Variants in CAMKMT observed in about 807,000 individuals in gnomAD.
CAMKMT encodes CaM KMT.
A neutral mutation model predicts 48.0 loss-of-function variants in CAMKMT; 53 were observed. The observed-to-expected ratio is 1.10, with a 90% confidence interval of 0.89 to 1.39. The LOEUF (loss-of-function observed/expected upper bound fraction) is 1.39. Among genes scored for constraint, CAMKMT ranks in the 40% most tolerant of loss-of-function variants. The pLI, the probability that CAMKMT is intolerant of heterozygous loss-of-function variation, is 0.00. For synonymous variants in CAMKMT, 165 were observed against 152.3 expected (o/e 1.08, Z -0.61); for missense variants, 428 against 402.7 (o/e 1.06, Z -0.54).
At chr2:44,604,858 G>A (rs1350900864) in intron 3 of CAMKMT, among the ~76,000 whole-genome samples, 2 of 151,990 alleles carry the variant, frequency 1.3e-5, no homozygotes, top group South Asian at 2.1e-4. Flanking sequence ...TTCCCACTAT[G>A]GTCTCAGAGT....
intron 3 of CAMKMT, among the ~76,000 whole-genome samples, chr2:44,559,858 A>G (rs1350076520): frequency 6.6e-6 from 1 of 152,178 alleles, no homozygotes; most frequent in Non-Finnish European, 1.5e-5. Context: ...ATGGGACCTA[A>G]TTTTTTGTTT....
At chr2:44,484,478 G>T (rs960986885) in intron 3 of CAMKMT, among the ~76,000 whole-genome samples, 10 of 151,712 alleles carry the variant, frequency 6.6e-5, no homozygotes, top group Admixed American at 1.3e-4. Flanking sequence ...CAATGAAGAT[G>T]GATGGTATTT....
chr2:44,456,263 C>T (rs548445369), intron 3 of CAMKMT, among the ~76,000 whole-genome samples: 11 of 152,164 alleles, frequency 7.2e-5, no homozygotes, highest in Non-Finnish European at 1.6e-4. Context: ...TGAATTACAA[C>T]AAAAGAGTTA....
intron 3 of CAMKMT, among the ~76,000 whole-genome samples, chr2:44,527,157 A>G (rs1387161646): frequency 1.4e-5 from 2 of 144,220 alleles, no homozygotes; most frequent in Non-Finnish European, 1.5e-5. Flanking sequence ...CAGTGGTATG[A>G]TCACAGCTGA....
At chr2:44,723,672 A>G (rs1055251600) in intron 7 of CAMKMT, 2 of 151,912 alleles carry the variant, frequency 1.3e-5, no homozygotes, top group Non-Finnish European at 2.9e-5. Context: ...AAAGTTGTTC[A>G]GATTTCCATT....
chr2:44,768,361 A>ATATATATATATATATATATTTT (rs35058824), intron 10 of CAMKMT, among the ~76,000 whole-genome samples: 4 of 115,742 alleles, frequency 3.5e-5, no homozygotes, highest in African/African-American at 1.5e-4. Context: ...ATATATATAT[A>ATATATATATATATATATATTTT]TTTTTTTTTT....
chr2:44,441,225 C>T (rs1469457277), intron 3 of CAMKMT, among the ~76,000 whole-genome samples: 3 of 152,016 alleles, frequency 2.0e-5, no homozygotes, highest in Non-Finnish European at 4.4e-5. Context: ...CGTGCCTTTT[C>T]ATTTGACTTG....
chr2:44,690,255 A>G (rs1676569679), intron 3 of CAMKMT, among the ~76,000 whole-genome samples: 1 of 152,254 alleles, frequency 6.6e-6, no homozygotes, highest in African/African-American at 2.4e-5. Flanking sequence ...GTGTACACAT[A>G]TAATGATCTC....
At chr2:44,537,701 C>A (rs1666853001) in intron 3 of CAMKMT, among the ~76,000 whole-genome samples, 1 of 152,140 alleles carries the variant, frequency 6.6e-6, no homozygotes, top group African/African-American at 2.4e-5. Flanking sequence ...GTAGCTGGTA[C>A]TACGGGCATG....
intron 7 of CAMKMT, among the ~76,000 whole-genome samples, chr2:44,735,099 G>A (rs1279962281): frequency 1.3e-5 from 2 of 152,200 alleles, no homozygotes; most frequent in Non-Finnish European, 2.9e-5. Context: ...ATTGTAAAGT[G>A]ATCTTCCTTA....
At position 44,390,429 on chromosome 2, in the gene CAMKMT, T is replaced by G. The variant is rs140536179; in HGVS notation, c.376+124T>G. On this transcript the variant is annotated intron_variant, in intron 3 of 10. Transcript: ENST00000378494. Reference sequence around the variant, plus strand: ...AATGTATGCATATATGTATATATAATAGAAAGTTTGACTGTCTTTAGCTGC... The same window carrying G: ...AATGTATGCATATATGTATATATAAGAGAAAGTTTGACTGTCTTTAGCTGC... The G allele has an allele frequency of 1.9e-3, 1,242 of 644,488 alleles. 1 individual carries two copies. Among genetic ancestry groups the G allele is most frequent in the Middle Eastern group, 4.8e-3 (11 of 2,308 alleles). 39.9% of individuals were successfully genotyped at this position (644,488 alleles called of 1,614,324 possible).
Position 44,714,292 on chromosome 2 carries a change from A to T in CAMKMT, c.557-995A>T, listed in dbSNP as rs528562804. 5.9e-5 allele frequency among the ~76,000 whole-genome samples: 9 copies of T among 152,336 alleles called. No homozygotes were observed. The South Asian group carries it at 1.9e-3, about 32-fold the overall frequency. ...GTGGAAGCAACATCCCTTGATCTGC[A>T]GACCAGCCTTTCCTGGTGCTGAAAC... is the stretch of plus-strand genomic sequence containing the variant. On this transcript the variant is annotated intron_variant, in intron 6 of 10. Coordinates refer to ENST00000378494, the MANE Select transcript of CAMKMT (RefSeq NM_024766.5).
At chr2:44,403,957 A>G (rs1328137487) in intron 3 of CAMKMT, among the ~76,000 whole-genome samples, 3 of 152,182 alleles carry the variant, frequency 2.0e-5, no homozygotes, top group Admixed American at 2.0e-4. Context: ...TCACCTATAA[A>G]GCTTTTCCTG....
intron 10 of CAMKMT, among the ~76,000 whole-genome samples, chr2:44,770,167 TC>T (rs1681043343): frequency 1.3e-5 from 2 of 152,202 alleles, no homozygotes; most frequent in South Asian, 2.1e-4. Context: ...CTCATAACAT[TC>T]CCCCATCGAA....
At chr2:44,459,181 A>C (rs902914968) in intron 3 of CAMKMT, among the ~76,000 whole-genome samples, 1 of 152,168 alleles carries the variant, frequency 6.6e-6, no homozygotes, top group African/African-American at 2.4e-5. Flanking sequence ...GTAAATTCAT[A>C]GAACATAGTT....
intron 7 of CAMKMT, among the ~76,000 whole-genome samples, chr2:44,742,471 C>G (rs981470126): frequency 2.6e-5 from 4 of 152,124 alleles, no homozygotes; most frequent in African/African-American, 9.7e-5. Context: ...GTTTCTGTGT[C>G]CATATGGCCC....
At chr2:44,688,102 T>TAATC (rs1328987073) in intron 3 of CAMKMT, among the ~76,000 whole-genome samples, 2 of 152,196 alleles carry the variant, frequency 1.3e-5, no homozygotes, top group Non-Finnish European at 1.5e-5. Context: ...ATGAAGGCTA[T>TAATC]AATCACAAAA....
chr2:44,609,662 G>C (rs759301891), intron 3 of CAMKMT, among the ~76,000 whole-genome samples: 1 of 152,146 alleles, frequency 6.6e-6, no homozygotes, highest in African/African-American at 2.4e-5. Flanking sequence ...TATAGGATTT[G>C]ATTTCTGAAA....
intron 6 of CAMKMT, among the ~76,000 whole-genome samples, chr2:44,708,211 ATTTTT>A (rs59281575): frequency 5.4e-4 from 37 of 68,200 alleles, no homozygotes; most frequent in African/African-American, 1.8e-3. Flanking sequence ...TTTGCTTTGG[ATTTTT>A]TTTTTTTTTT....
Sources: allele counts gnomAD v4.1 joint callset (sites outside exome capture counted in the v4.1 genomes callset), GRCh38; gene constraint gnomAD v4.1.1; transcripts MANE v1.5; gene names NCBI Gene and HGNC (gene_info 2026-07-23, HGNC 2026-07-21).